Variants in SKA3 observed in about 807,000 individuals in gnomAD.
SKA3 encodes spindle and kinetochore associated complex subunit 3, also known as spindle and kinetochore-associated protein 3.
A neutral mutation model predicts 44.2 loss-of-function variants in SKA3; 39 were observed. That is an observed-to-expected ratio of 0.88 (90% confidence interval 0.68 to 1.15). The LOEUF is 1.15. SKA3 is among the 50% of genes most tolerant of loss of function. SKA3 has a pLI of 0.00. For synonymous variants in SKA3, 192 were observed against 172.0 expected (o/e 1.12, Z -0.91); for missense variants, 511 against 485.8 (o/e 1.05, Z -0.49).
intron 6 of SKA3, among the ~76,000 whole-genome samples, chr13:21,159,061 CTT>C (rs1870293321): frequency 6.6e-6 from 1 of 152,164 alleles, no homozygotes; most frequent in Admixed American, 6.5e-5. Flanking sequence ...ACATGGGGCT[CTT>C]TAAATTTTAA....
In SKA3 at chr13:21,153,803, C is replaced by T. The variant is rs1869935097; in HGVS notation, c.*1347G>A. 1 of 152,240 alleles carries T rather than the reference C, an allele frequency of 6.6e-6. No homozygotes were observed. 9.4% of individuals were successfully genotyped at this position (152,240 alleles called of 1,614,324 possible). ...CCCTCCCTAAGCAGCTCATCCGGTT[C>T]TGTGGATTTATATACACACGGTACA... On this transcript the variant is annotated 3_prime_UTR_variant, in exon 9 of 9. Coordinates refer to ENST00000314759, the MANE Select transcript of SKA3 (RefSeq NM_145061.6).
chr13:21,156,642 T>A (rs999398622), intron 7 of SKA3, among the ~76,000 whole-genome samples: 7 of 152,204 alleles, frequency 4.6e-5, no homozygotes, highest in Admixed American at 2.6e-4. Context: ...GAAAAAAGGA[T>A]AACAAGTACT....
intron 3 of SKA3, among the ~76,000 whole-genome samples, chr13:21,171,764 A>T (rs1316622710): frequency 6.6e-6 from 1 of 152,208 alleles, no homozygotes; most frequent in Non-Finnish European, 1.5e-5. Flanking sequence ...CTGAGGCACA[A>T]GGTTAAGTAA....
intron 4 of SKA3, among the ~76,000 whole-genome samples, chr13:21,164,358 C>A (rs1870593634): frequency 6.6e-6 from 1 of 151,986 alleles, no homozygotes; most frequent in South Asian, 2.1e-4. Context: ...TGGTTCTTTC[C>A]AATTCTCCCC....
At chr13:21,156,650 A>C (rs2137355330) in intron 7 of SKA3, among the ~76,000 whole-genome samples, 1 of 152,316 alleles carries the variant, frequency 6.6e-6, no homozygotes, top group East Asian at 1.9e-4. Flanking sequence ...GATAACAAGT[A>C]CTTTATTGAT....
At chr13:21,160,922 G>C (rs972280984) in intron 5 of SKA3, among the ~76,000 whole-genome samples, 1 of 152,178 alleles carries the variant, frequency 6.6e-6, no homozygotes, top group Non-Finnish European at 1.5e-5. Context: ...CCAGGAGTTT[G>C]AGGCCAGCAT....
At chr13:21,174,017 T>C (rs1041927164) in intron 1 of SKA3, among the ~76,000 whole-genome samples, 8 of 152,136 alleles carry the variant, frequency 5.3e-5, no homozygotes, top group Non-Finnish European at 1.5e-5. Flanking sequence ...ATCAGAGAAA[T>C]GCAAATCAAA....
At chr13:21,158,624 C>G (rs980706861) in intron 6 of SKA3, among the ~76,000 whole-genome samples, 2 of 151,864 alleles carry the variant, frequency 1.3e-5, no homozygotes, top group African/African-American at 4.8e-5. Context: ...CCGTCACAAA[C>G]AAAACAAAAC....
chr13:21,154,999 C>T lies in SKA3; in HGVS notation c.*151G>A. The T allele has an allele frequency of 7.8e-7, 1 of 1,276,754 alleles. No homozygotes were observed. Among genetic ancestry groups the T allele is most frequent in the Non-Finnish European group, 1.1e-6 (1 of 904,270 alleles). The allele number at this position is 1,276,754 out of a possible 1,614,324, so 79.1% of individuals were successfully genotyped here. A position where few individuals can be genotyped will look rare whatever the true frequency, so the allele number is the denominator to read the frequency against. On this transcript the variant is annotated 3_prime_UTR_variant, in exon 9 of 9. Transcript: ENST00000314759. ...AACCTTATTGAAACTTCATAAAAAG[C>T]ATATTATGATGTTAATGTTCATGTT...
chr13:21,170,480 G>A (rs899152703), intron 3 of SKA3, among the ~76,000 whole-genome samples: 2 of 152,000 alleles, frequency 1.3e-5, no homozygotes, highest in African/African-American at 2.4e-5. Flanking sequence ...GTGCCTGGCC[G>A]GTTATATACT....
chr13:21,161,888 A>C lies in SKA3; in HGVS notation c.744-13T>G, dbSNP rs763071505. ...TATGGCCTCCTCACTGGTGTGATTC[A>C]TAGGGAAATTACAAGGTTAAAAAAG... On this transcript the variant is annotated splice_polypyrimidine_tract_variant and intron_variant, in intron 4 of 8. Transcript: ENST00000314759. 7 of 1,184,052 alleles carry C rather than the reference A, an allele frequency of 5.9e-6. No homozygotes were observed. The highest frequency in any genetic ancestry group is 4.0e-5 in the East Asian group (1 of 25,052). 73.3% of individuals were successfully genotyped at this position (1,184,052 alleles called of 1,614,324 possible).
intron 3 of SKA3, 93 bp downstream of exon 3, chr13:21,172,246 C>A: frequency 2.8e-6 from 2 of 706,810 alleles, no homozygotes; most frequent in Non-Finnish European, 4.2e-6. Context: ...AGAGCTAGAA[C>A]TAAAAACCAT....
intron 4 of SKA3, among the ~76,000 whole-genome samples, chr13:21,163,498 TAAGA>T (rs1399688656): frequency 1.3e-5 from 2 of 152,332 alleles, no homozygotes; most frequent in African/African-American, 4.8e-5. Flanking sequence ...CAATTTTCCC[TAAGA>T]AAGATTCACC....
At chr13:21,168,587 TGTGATCACAGC>T (rs1279829984) in intron 3 of SKA3, among the ~76,000 whole-genome samples, 188 bp from the exon 4 acceptor site, 3 of 152,080 alleles carry the variant, frequency 2.0e-5, no homozygotes, top group Non-Finnish European at 2.9e-5. Context: ...AGTACAGAGG[TGTGATCACAGC>T]TCACTGCAGC....
chr13:21,160,661 G>A (rs1870387830), intron 5 of SKA3, among the ~76,000 whole-genome samples: 1 of 152,106 alleles, frequency 6.6e-6, no homozygotes, highest in Non-Finnish European at 1.5e-5. Context: ...ACTCTTAGCT[G>A]ACTATTCAGC....
At chr13:21,164,918 T>C (rs1870624475) in intron 4 of SKA3, among the ~76,000 whole-genome samples, 1 of 152,134 alleles carries the variant, frequency 6.6e-6, no homozygotes, top group Admixed American at 6.5e-5. Context: ...TAAACAAATA[T>C]CGTTAAGATG....
chr13:21,168,420 A>T (rs778608301), intron 3 of SKA3, 21 bp from the exon 4 acceptor site: 1 of 1,161,952 alleles, frequency 8.6e-7, no homozygotes, highest in South Asian at 2.0e-5. Context: ...AAATCAGAAT[A>T]TTCTGGTCAA....
chr13:21,163,205 A>AAAAGAAAG (rs59824329), intron 4 of SKA3, among the ~76,000 whole-genome samples: 1,933 of 149,622 alleles, frequency 0.013, 14 homozygotes, highest in African/African-American at 0.03. Flanking sequence ...TCTAAAAATA[A>AAAAGAAAG]AAAGAAAGAA....
At position 21,159,981 on chromosome 13, in the gene SKA3, T is replaced by A. The variant is rs1431182356; in HGVS notation, c.836A>T (p.Glu279Val). 2 of 1,601,684 alleles carry A rather than the reference T, an allele frequency of 1.2e-6. No individual in the cohort carries two copies. Among genetic ancestry groups the A allele is most frequent in the African/African-American group, 2.7e-5 (2 of 73,962 alleles). ...AGGTACCAAAGGAGAGTTGGTATAT[T>A]CGGCATCTAAAAGACACATAAAATG... ...IIQQLEKSDA[E>V]YTNSPLVPTF... The change falls in exon 6 of 9, where the codon GAA becomes GTA. Residue 279 changes from glutamate (E) to valine (V), a missense_variant. Transcript: ENST00000314759.
Sources: allele counts gnomAD v4.1 joint callset (sites outside exome capture counted in the v4.1 genomes callset), GRCh38; gene constraint gnomAD v4.1.1; transcripts MANE v1.5; gene names NCBI Gene and HGNC (gene_info 2026-07-23, HGNC 2026-07-21).